The following BMPR1A variants were observed in gnomAD, a reference collection of about 807,000 sequenced individuals.
The protein encoded by BMPR1A is bone morphogenetic protein receptor type-1A.
BMPR1A carries 7 observed loss-of-function variants against 66.0 expected under a neutral mutation model. That is an observed-to-expected ratio of 0.11 (90% CI 0.06 to 0.20). The LOEUF (loss-of-function observed/expected upper bound fraction) is 0.20. Among genes scored for constraint, BMPR1A ranks in the 10% least tolerant of loss-of-function variants. The pLI is 1.00. For missense variants in BMPR1A, 408 were observed against 669.1 expected, an observed-to-expected ratio of 0.61 and a Z score of 4.31; for synonymous variants, 200 against 229.7, an observed-to-expected ratio of 0.87 and a Z score of 1.17.
At chr10:86,851,534 C>G (rs1006404038) in intron 2 of BMPR1A, among the ~76,000 whole-genome samples, 15 of 152,148 alleles carry the variant, frequency 9.9e-5, no homozygotes, top group African/African-American at 3.6e-4. Flanking sequence ...GAACATTGCT[C>G]AAGATCTGCA....
chr10:86,909,968 T>A (rs1445094255), intron 7 of BMPR1A, among the ~76,000 whole-genome samples: 2 of 152,156 alleles, frequency 1.3e-5, no homozygotes, highest in Admixed American at 6.5e-5. Context: ...AATTCAGTAA[T>A]TCCTACTACA....
chr10:86,873,953 T>G (rs1027647371), intron 2 of BMPR1A, among the ~76,000 whole-genome samples: 6 of 152,196 alleles, frequency 3.9e-5, no homozygotes, highest in Non-Finnish European at 8.8e-5. Context: ...ACTGTAAACC[T>G]TCTTTGCCTC....
chr10:86,875,372 CAAATAAAATA>C (rs4029464), intron 2 of BMPR1A, among the ~76,000 whole-genome samples: 1 of 151,610 alleles, frequency 6.6e-6, no homozygotes, highest in Non-Finnish European at 1.5e-5. Flanking sequence ...AACTCTGTCT[CAAATAAAATA>C]AAATAAAATG....
At chr10:86,833,150 A>C (rs1232652828) in intron 1 of BMPR1A, among the ~76,000 whole-genome samples, 2 of 152,136 alleles carry the variant, frequency 1.3e-5, no homozygotes, top group Admixed American at 6.5e-5. Context: ...TATTCCTCAA[A>C]GTGACTGCAT....
intron 1 of BMPR1A, among the ~76,000 whole-genome samples, chr10:86,823,616 G>A (rs1348335801): frequency 6.6e-6 from 1 of 152,216 alleles, no homozygotes; most frequent in African/African-American, 2.4e-5. Context: ...TTGGTTGGAA[G>A]GAGAACTAAA....
chr10:86,796,048 C>G (rs1564687795), intron 1 of BMPR1A, among the ~76,000 whole-genome samples: 1 of 152,032 alleles, frequency 6.6e-6, no homozygotes, highest in Non-Finnish European at 1.5e-5. Flanking sequence ...TGTTCTGTTT[C>G]CTTGCTACTC....
At chr10:86,842,977 TG>T (rs1842445271) in intron 2 of BMPR1A, among the ~76,000 whole-genome samples, 1 of 152,072 alleles carries the variant, frequency 6.6e-6, no homozygotes, top group African/African-American at 2.4e-5. Flanking sequence ...GAGATTTGGG[TG>T]GGGACACAGC....
At position 86,917,394 on chromosome 10, in the gene BMPR1A, A is replaced by G. The variant is rs878984252; in HGVS notation, c.868+68A>G. The G allele has an allele frequency of 8.3e-6, 13 of 1,566,338 alleles. No homozygotes were observed. The African/African-American group carries it at 1.5e-4, about 18-fold the overall frequency. ...TAGTGAGGTACAGGTGGAAGCCTCC[A>G]TATGTGCTTTGAAAATGTGTGAGTT... is the stretch of plus-strand genomic sequence containing the variant. On this transcript the variant is annotated intron_variant, in intron 9 of 12. Coordinates refer to ENST00000372037, the MANE Select transcript of BMPR1A (RefSeq NM_004329.3).
chr10:86,774,199 T>C (rs1427208255), intron 1 of BMPR1A, among the ~76,000 whole-genome samples: 1 of 152,214 alleles, frequency 6.6e-6, no homozygotes, highest in African/African-American at 2.4e-5. Context: ...AGTTATTATC[T>C]TTTCTAAAAA....
At chr10:86,771,794 T>G (rs1299978763) in intron 1 of BMPR1A, among the ~76,000 whole-genome samples, 1 of 152,162 alleles carries the variant, frequency 6.6e-6, no homozygotes, top group Non-Finnish European at 1.5e-5. Flanking sequence ...GTCTCACGCA[T>G]TCCATTCCCC....
At position 86,874,121 on chromosome 10, in the gene BMPR1A, G is replaced by A. The variant is rs530312381; in HGVS notation, c.-152-1746G>A. 5.3e-5 allele frequency among the ~76,000 whole-genome samples: 8 copies of A among 152,296 alleles called. No individual in the cohort carries two copies. The East Asian group carries it at 1.3e-3, about 26-fold the overall frequency. On this transcript the variant is annotated intron_variant, in intron 2 of 12. Transcript: ENST00000372037. ...CATTCAGGAATAGTTCAAGCTGAAA[G>A]TCAATAAAATCAAACCACATGAAAC...
At chr10:86,928,639 T>C (rs1843779521), downstream of BMPR1A, 1 of 151,998 alleles carries the variant, frequency 6.6e-6, no homozygotes, top group East Asian at 1.9e-4. Flanking sequence ...ATTATCACTA[T>C]ATACATTTGA....
chr10:86,892,332 T>C (rs1157138390), intron 5 of BMPR1A, 103 bp downstream of exon 5: 8 of 843,238 alleles, frequency 9.5e-6, no homozygotes, highest in South Asian at 4.4e-5. Flanking sequence ...TCGCTGTATG[T>C]TCACATCAGT....
Position 86,899,817 on chromosome 10 carries a change from C to G in BMPR1A, c.357C>G (p.Arg119=), listed in dbSNP as rs757950894. ...AGGATTCTCCAAAAGCCCAGCTACG[C>G]CGGACAATAGAATGTTGTCGGACCA... ...QCKDSPKAQL[R]RTIECCRTNL... is the part of the protein sequence containing the mutation. The change falls in exon 6 of 13, where the codon CGC becomes CGG. Residue 119 remains arginine (R), a synonymous_variant. Transcript: ENST00000372037. 4 of 1,614,000 alleles carry G rather than the reference C, an allele frequency of 2.5e-6. No homozygotes were observed. In the Admixed American group the frequency reaches 5.0e-5, roughly 20 times the overall value.
chr10:86,888,110 C>T (rs976394170), intron 3 of BMPR1A, among the ~76,000 whole-genome samples: 7 of 148,930 alleles, frequency 4.7e-5, no homozygotes, highest in East Asian at 2.0e-4. Flanking sequence ...GTGGGGGGCG[C>T]GGGGATGAGT....
intron 1 of BMPR1A, among the ~76,000 whole-genome samples, chr10:86,789,704 ACT>A (rs2132763015): frequency 6.9e-6 from 1 of 145,414 alleles, no homozygotes; most frequent in African/African-American, 2.5e-5. Context: ...CAGAGTGAAA[ACT>A]CTGTCTTAGA....
chr10:86,760,175 C>T (rs1416116831), intron 1 of BMPR1A, among the ~76,000 whole-genome samples: 1 of 126,226 alleles, frequency 7.9e-6, no homozygotes, highest in Non-Finnish European at 1.7e-5. Flanking sequence ...TGGTATTTGC[C>T]TCAGATTTAC....
At chr10:86,889,007 CTTAT>C (rs1291546689) in intron 3 of BMPR1A, among the ~76,000 whole-genome samples, 1 of 152,140 alleles carries the variant, frequency 6.6e-6, no homozygotes, top group Admixed American at 6.6e-5. Flanking sequence ...TCTTGAACCA[CTTAT>C]TTAACATTCA....
intron 1 of BMPR1A, among the ~76,000 whole-genome samples, chr10:86,774,339 C>T (rs1321072663): frequency 2.0e-5 from 3 of 151,818 alleles, no homozygotes. Flanking sequence ...GTAAATTTGC[C>T]ATTGCTTTCC....
Sources: gnomAD v4.1 joint callset for allele counts (sites outside exome capture counted in the v4.1 genomes callset) on GRCh38, gnomAD v4.1.1 for gene constraint, MANE v1.5 for transcripts, NCBI Gene and HGNC (gene_info 2026-07-23, HGNC 2026-07-21) for gene names.